Variants in GPR39 observed in about 807,000 individuals in gnomAD.
GPR39 encodes G protein-coupled receptor 39, also known as zinc sensing receptor.
A neutral mutation model predicts 18.4 loss-of-function variants in GPR39; 23 were observed. That is an observed-to-expected ratio of 1.25 (90% CI 0.90 to 1.77). The LOEUF is 1.77. Ranked by LOEUF, GPR39 falls within the 40% of genes most tolerant of loss-of-function variation. GPR39 has a pLI of 0.00. For missense variants in GPR39, 647 were observed against 602.4 expected (o/e 1.07, Z -0.78); for synonymous variants, 280 against 257.9 (o/e 1.09, Z -0.82).
intron 1 of GPR39, among the ~76,000 whole-genome samples, chr2:132,426,107 C>G (rs981209752): frequency 6.6e-6 from 1 of 152,214 alleles, no homozygotes; most frequent in African/African-American, 2.4e-5. Flanking sequence ...GTTATAACTT[C>G]CAAGACAGGT....
At chr2:132,593,015 C>T (rs1417193388) in intron 1 of GPR39, among the ~76,000 whole-genome samples, 4 of 152,208 alleles carry the variant, frequency 2.6e-5, no homozygotes, top group African/African-American at 4.8e-5. Flanking sequence ...GCAAGACCCA[C>T]AGAATTCACT....
intron 1 of GPR39, among the ~76,000 whole-genome samples, chr2:132,490,824 G>C (rs1681444006): frequency 6.7e-6 from 1 of 150,080 alleles, no homozygotes; most frequent in Non-Finnish European, 1.5e-5. Flanking sequence ...GGCTAGACAG[G>C]AGGTACTGCT....
At chr2:132,535,695 C>CTGTTTTTTTTTTTTTTTTTTT (rs1679742878) in intron 1 of GPR39, among the ~76,000 whole-genome samples, 1 of 96,536 alleles carries the variant, frequency 1.0e-5, no homozygotes, top group African/African-American at 3.9e-5. Context: ...TGGTCCTGGG[C>CTGTTTTTTTTTTTTTTTTTTT]TTTTTTTTTT....
At chr2:132,457,326 C>G (rs1011904401) in intron 1 of GPR39, among the ~76,000 whole-genome samples, 4 of 152,154 alleles carry the variant, frequency 2.6e-5, no homozygotes, top group African/African-American at 9.7e-5. Context: ...ATTTTCAGCT[C>G]CATCAGTTCA....
At chr2:132,435,076 C>T (rs2104761283) in intron 1 of GPR39, among the ~76,000 whole-genome samples, 1 of 152,256 alleles carries the variant, frequency 6.6e-6, no homozygotes. Flanking sequence ...CTACATGGAT[C>T]ATTCTATGAT....
At chr2:132,471,004 A>G (rs1223782010) in intron 1 of GPR39, among the ~76,000 whole-genome samples, 1 of 152,096 alleles carries the variant, frequency 6.6e-6, no homozygotes, top group Non-Finnish European at 1.5e-5. Flanking sequence ...CTTTCTATCC[A>G]CTGACCCTTG....
intron 1 of GPR39, among the ~76,000 whole-genome samples, chr2:132,519,990 C>A (rs1278618327): frequency 6.6e-6 from 1 of 152,122 alleles, no homozygotes; most frequent in Non-Finnish European, 1.5e-5. Flanking sequence ...GGATTAGAGA[C>A]CATGCATTTC....
chr2:132,548,642 G>C (rs1226648951), intron 1 of GPR39, among the ~76,000 whole-genome samples: 1 of 152,188 alleles, frequency 6.6e-6, no homozygotes. Flanking sequence ...CAATTTACCA[G>C]CTCTATGCCC....
intron 1 of GPR39, among the ~76,000 whole-genome samples, chr2:132,470,579 A>T (rs1681010860): frequency 6.6e-6 from 1 of 152,158 alleles, no homozygotes; most frequent in African/African-American, 2.4e-5. Flanking sequence ...TATTCTGAGT[A>T]AAGGGTGAGC....
intron 1 of GPR39, among the ~76,000 whole-genome samples, chr2:132,613,410 C>T (rs1053490256): frequency 1.3e-5 from 2 of 152,222 alleles, no homozygotes; most frequent in African/African-American, 2.4e-5. Flanking sequence ...ACTTATGCAT[C>T]CTTCAAGTCT....
At chr2:132,560,860 G>C (rs1162067799) in intron 1 of GPR39, among the ~76,000 whole-genome samples, 1 of 151,884 alleles carries the variant, frequency 6.6e-6, no homozygotes. Context: ...TCTGTCTATT[G>C]GTCATATTTA....
chr2:132,532,594 C>T (rs1199959071), intron 1 of GPR39, among the ~76,000 whole-genome samples: 1 of 152,164 alleles, frequency 6.6e-6, no homozygotes, highest in African/African-American at 2.4e-5. Context: ...CAAACATCCT[C>T]AATAAAATAC....
chr2:132,636,822 T>G (rs1001422207), intron 1 of GPR39, among the ~76,000 whole-genome samples: 2 of 152,344 alleles, frequency 1.3e-5, no homozygotes, highest in African/African-American at 4.8e-5. Context: ...TGCATCGACT[T>G]GCTGTTTTGG....
rs1165991422 is a variant in GPR39 at position 132,456,371 on chromosome 2, T to G, written c.856+38473T>G. ...TCCCTTTATTTTGAGACTATGTGCA[T>G]CTTTGCACATGAGATGGGTCTCCTG... On this transcript the variant is annotated intron_variant, in intron 1 of 1. Coordinates refer to ENST00000329321, the MANE Select transcript of GPR39 (RefSeq NM_001508.3). 4.6e-5 allele frequency among the ~76,000 whole-genome samples: 7 copies of G among 152,124 alleles called. 1 individual carries two copies. In the East Asian group the frequency reaches 5.8e-4, roughly 13 times the overall value.
intron 1 of GPR39, among the ~76,000 whole-genome samples, chr2:132,514,056 C>T (rs1679286303): frequency 1.3e-5 from 2 of 152,282 alleles, no homozygotes; most frequent in Non-Finnish European, 2.9e-5. Flanking sequence ...GCCCTGATGT[C>T]CTGTGGCAGC....
At chr2:132,614,585 C>T (rs1681298918) in intron 1 of GPR39, among the ~76,000 whole-genome samples, 1 of 150,416 alleles carries the variant, frequency 6.6e-6, no homozygotes, top group African/African-American at 2.5e-5. Flanking sequence ...GAGTCTCGCC[C>T]TGTTGCCCAG....
intron 1 of GPR39, among the ~76,000 whole-genome samples, chr2:132,458,978 A>C (rs1319360078): frequency 6.6e-6 from 1 of 152,176 alleles, no homozygotes; most frequent in Admixed American, 6.5e-5. Context: ...AGCTGGTTCC[A>C]AAGAGACATT....
At chr2:132,574,132 T>C (rs1680489068) in intron 1 of GPR39, among the ~76,000 whole-genome samples, 1 of 152,234 alleles carries the variant, frequency 6.6e-6, no homozygotes. Context: ...TATTTAAACA[T>C]TTCTCACTCT....
At chr2:132,552,979 C>T (rs1240007050) in intron 1 of GPR39, among the ~76,000 whole-genome samples, 1 of 150,812 alleles carries the variant, frequency 6.6e-6, no homozygotes, top group South Asian at 2.1e-4. Context: ...CTCTGTTGCC[C>T]AGGCTGGAGT....
Sources: gnomAD v4.1 joint callset for allele counts (sites outside exome capture counted in the v4.1 genomes callset) on GRCh38, gnomAD v4.1.1 for gene constraint, MANE v1.5 for transcripts, NCBI Gene and HGNC (gene_info 2026-07-23, HGNC 2026-07-21) for gene names.